Variants in CYP24A1 observed in about 807,000 individuals in gnomAD.
CYP24A1 encodes the protein cytochrome P450 family 24 subfamily A member 1.
Under a neutral mutation model 62.4 loss-of-function variants are expected in CYP24A1, and 68 were observed. The observed-to-expected ratio is 1.09, with a 90% CI of 0.90 to 1.33. The LOEUF (loss-of-function observed/expected upper bound fraction) is 1.33. Ranked by LOEUF, CYP24A1 falls within the 40% of genes most tolerant of loss-of-function variation. CYP24A1 has a pLI of 0.00. For missense variants in CYP24A1, 787 were observed against 653.0 expected (o/e 1.21, Z -2.24); for synonymous variants, 267 against 253.0 (o/e 1.06, Z -0.52).
In CYP24A1 at chr20:54,173,091, G is replaced by A; in HGVS notation, c.267C>T (p.Tyr89=). 6.2e-7 allele frequency: 1 copy of A among 1,603,146 alleles called. No homozygotes were observed. Among genetic ancestry groups the A allele is most frequent in the Non-Finnish European group, 8.5e-7 (1 of 1,179,962 alleles). The change falls in exon 2 of 12, where the codon TAC becomes TAT. Residue 89 remains tyrosine (Y), a synonymous_variant. Transcript: ENST00000216862. The surrounding 1 kb of genome is among the most constrained non-coding windows in gnomAD (Gnocchi z 7.2). ...LKKQHDTLVE[Y]HKKYGKIFRM... The stretch of plus-strand genomic sequence containing the variant: ...GGAAAATCTTGCCATACTTCTTGTG[G>A]TACTCCACCTGCAGCCGGCCGGGCA...
chr20:54,163,477 C>A (rs1455937687), intron 6 of CYP24A1, among the ~76,000 whole-genome samples: 1 of 152,212 alleles, frequency 6.6e-6, no homozygotes, highest in Non-Finnish European at 1.5e-5. Flanking sequence ...TCACATATGG[C>A]ACAGCAGTTA....
Position 54,164,444 on chromosome 20 carries a change from C to T in CYP24A1, c.844+8G>A. On this transcript the variant is annotated splice_region_variant and intron_variant, in intron 6 of 11. Transcript: ENST00000216862. ...GGTTCTGGCTGGTTGTGAAGGGCGG[C>T]CCTTTACCTGATTTGAAAATGGTGT... The T allele has an allele frequency of 1.2e-6, 2 of 1,614,054 alleles. No homozygotes were observed. The highest frequency in any genetic ancestry group is 8.5e-7 in the Non-Finnish European group (1 of 1,180,002).
chr20:54,170,207 C>T (rs890208827), intron 3 of CYP24A1, among the ~76,000 whole-genome samples: 1 of 152,186 alleles, frequency 6.6e-6, no homozygotes, highest in African/African-American at 2.4e-5. Flanking sequence ...AGTCTATGAC[C>T]TTGGGATAGT....
In CYP24A1 at chr20:54,164,710, C is replaced by T. The variant is rs558065456; in HGVS notation, c.733-147G>A. 4.6e-4 allele frequency: 685 copies of T among 1,487,588 alleles called. 2 individuals carry two copies. In the African/African-American group the frequency reaches 5.1e-3, roughly 11 times the overall value. The allele number at this position is 1,487,588 out of a possible 1,614,324, so 92.1% of individuals were successfully genotyped here. A position where few individuals can be genotyped will look rare whatever the true frequency, so the allele number is the denominator to read the frequency against. On this transcript the variant is annotated intron_variant, in intron 5 of 11. Coordinates refer to ENST00000216862, the MANE Select transcript of CYP24A1 (RefSeq NM_000782.5). Reference sequence around the variant, plus strand: ...AGGACACCCCCGGCTCTCTCTGCACCGGTCCTGGGAGCAATGCCCGTACCC... The same window carrying T: ...AGGACACCCCCGGCTCTCTCTGCACTGGTCCTGGGAGCAATGCCCGTACCC...
chr20:54,165,945 T>C, intron 4 of CYP24A1, 112 bp from the exon 5 acceptor site: 1 of 783,624 alleles, frequency 1.3e-6, no homozygotes, highest in Non-Finnish European at 2.2e-6. Flanking sequence ...TGTGGGATTT[T>C]CTGAGAAAAG....
rs1446673603 is a variant in CYP24A1 at position 54,169,658 on chromosome 20, C to T, written c.574G>A (p.Glu192Lys). ...VLADFMGRIDELCDERGHVED... is the reference protein window; with the variant it reads ...VLADFMGRIDKLCDERGHVED... ...ACGTGGCCTCTTTCATCACAGAGCTCATCTATTCTGCCCATAAAATCGGCC... is the reference window on the plus strand; with the variant it reads ...ACGTGGCCTCTTTCATCACAGAGCTTATCTATTCTGCCCATAAAATCGGCC... Residue 192 changes from glutamate to lysine, a missense_variant, in exon 4 of 12, where the codon GAG becomes AAG. Physicochemically the swap from Glu to Lys is moderately conservative, Grantham distance 56. Transcript: ENST00000216862. 1 of 1,614,164 alleles carries T rather than the reference C, an allele frequency of 6.2e-7. No homozygotes were observed. The highest frequency in any genetic ancestry group is 1.1e-5 in the South Asian group (1 of 91,080).
chr20:54,171,906 A>C, intron 2 of CYP24A1: 1 of 1,039,186 alleles, frequency 9.6e-7, no homozygotes, highest in Non-Finnish European at 1.3e-6. Flanking sequence ...AGATTGCACC[A>C]AAAAGTTGAA....
the CYP24A1 span, among the ~76,000 whole-genome samples, chr20:54,146,309 G>T: frequency 6.6e-6 from 1 of 152,060 alleles, no homozygotes; most frequent in Non-Finnish European, 1.5e-5. Context: ...CGGCACCCTT[G>T]GCCTATTGAT....
rs34073171 is a variant in CYP24A1 at position 54,171,757 on chromosome 20, A to G, written c.450-87T>C. ...TACTCCAGCTGCAACTTCAGGAACCATAAAATCAAACAAACACTGAGAATC... is the reference window on the plus strand; with the variant it reads ...TACTCCAGCTGCAACTTCAGGAACCGTAAAATCAAACAAACACTGAGAATC... On this transcript the variant is annotated intron_variant, in intron 2 of 11. Transcript: ENST00000216862. 1.9e-6 allele frequency: 3 copies of G among 1,610,988 alleles called. No homozygotes were observed. In the East Asian group the frequency reaches 6.7e-5, roughly 36 times the overall value.
At chr20:54,159,166 T>G (rs1440574600) in intron 7 of CYP24A1, 43 bp from the exon 8 acceptor site, 1 of 1,488,022 alleles carries the variant, frequency 6.7e-7, no homozygotes, top group Non-Finnish European at 9.4e-7. Context: ...TGTAAATAAC[T>G]GCATTAAACC....
intron 8 of CYP24A1, 110 bp downstream of exon 8, chr20:54,158,847 T>C: frequency 6.4e-7 from 1 of 1,573,778 alleles, no homozygotes; most frequent in South Asian, 1.2e-5. Context: ...AGTGTGATAA[T>C]TGTTTCTAAT....
rs2092668960 is a variant in CYP24A1 at position 54,165,642 on chromosome 20, ATG to A, written c.732+98_732+99del. ...GAACACTTAACTATTGAAATAAAAT[ATG>A]TGTGTATGCCATTTTTTGGGAATCA... On this transcript the variant is annotated intron_variant, in intron 5 of 11. Transcript: ENST00000216862. The A allele has an allele frequency of 6.3e-6, 5 of 788,884 alleles. No homozygotes were observed. The African/African-American group carries it at 6.8e-5, about 11-fold the overall frequency. The allele number at this position is 788,884 out of a possible 1,614,324, so 48.9% of individuals were successfully genotyped here. A position where few individuals can be genotyped will look rare whatever the true frequency, so the allele number is the denominator to read the frequency against.
chr20:54,173,830 G>T lies in CYP24A1; in HGVS notation c.-251C>A, dbSNP rs2092704193. ...CACTGGCCGCAGGGGCTGGAAGAGG[G>T]TGGCCGGTGTCTGGGGACCTCTTGA... On this transcript the variant is annotated 5_prime_UTR_variant, in exon 1 of 12. Transcript: ENST00000216862. The surrounding 1 kb of genome is among the most constrained non-coding windows in gnomAD (Gnocchi z 7.2). 1.8e-6 allele frequency: 1 copy of T among 570,658 alleles called. No individual in the cohort carries two copies. The highest frequency in any genetic ancestry group is 3.1e-6 in the Non-Finnish European group (1 of 320,382). The allele number at this position is 570,658 out of a possible 1,614,324, so 35.3% of individuals were successfully genotyped here.
At chr20:54,151,453 C>T (rs1471804447), downstream of CYP24A1, among the ~76,000 whole-genome samples, 1 of 151,800 alleles carries the variant, frequency 6.6e-6, no homozygotes, top group African/African-American at 2.4e-5. Context: ...CTGGAAACTA[C>T]AAATCCACAG....
rs1274916727 is a variant in CYP24A1 at position 54,166,724 on chromosome 20, C to CT, written c.641-892dup. On this transcript the variant is annotated intron_variant, in intron 4 of 11. Transcript: ENST00000216862. ...TGTCCTAAAAATTATCTCTTGTAACCTTTTTTTTTTAAAAAAAGGACACAG... is the reference window on the plus strand; with the variant it reads ...TGTCCTAAAAATTATCTCTTGTAACCTTTTTTTTTTTAAAAAAAGGACACAG... Among the ~76,000 whole-genome samples, 1,066 of 149,484 alleles carry CT rather than the reference C, an allele frequency of 7.1e-3. 18 individuals carry two copies. The highest frequency in any genetic ancestry group is 0.016 in the African/African-American group (635 of 40,858).
intron 3 of CYP24A1, 101 bp downstream of exon 3, chr20:54,171,476 T>A (rs1045728949): frequency 1.2e-6 from 2 of 1,607,338 alleles, no homozygotes; most frequent in East Asian, 4.5e-5. Context: ...TCACCCGAAT[T>A]GCATTCTTTT....
chr20:54,167,745 C>T lies in CYP24A1; in HGVS notation c.640+1847G>A, dbSNP rs938820281. On this transcript the variant is annotated intron_variant, in intron 4 of 11. Coordinates refer to ENST00000216862, the MANE Select transcript of CYP24A1 (RefSeq NM_000782.5). Reference sequence around the variant, plus strand: ...CCGAGATCACGCCGCTGCACTCCAGCCTGGGGCAGAGTGAGAGTCTGTCTC... The same window carrying T: ...CCGAGATCACGCCGCTGCACTCCAGTCTGGGGCAGAGTGAGAGTCTGTCTC... 1.1e-4 allele frequency among the ~76,000 whole-genome samples: 17 copies of T among 151,986 alleles called. 1 individual carries two copies. Among genetic ancestry groups the T allele is most frequent in the Admixed American group, 2.0e-4 (3 of 15,294 alleles).
In CYP24A1 at chr20:54,165,726, TA is replaced by T; in HGVS notation, c.732+15del. 1 of 1,266,332 alleles carries T rather than the reference TA, an allele frequency of 7.9e-7. No individual in the cohort carries two copies. The allele number at this position is 1,266,332 out of a possible 1,614,324, so 78.4% of individuals were successfully genotyped here. ...ACATCAATCAAGAAAACTGCTTTCT[TA>T]AAGAGGCTGCTTACTGTTTTGATGG... On this transcript the variant is annotated intron_variant, in intron 5 of 11. Coordinates refer to ENST00000216862, the MANE Select transcript of CYP24A1 (RefSeq NM_000782.5).
At position 54,173,026 on chromosome 20, in the gene CYP24A1, G is replaced by C; in HGVS notation, c.332C>G (p.Ser111Trp). 6.2e-7 allele frequency: 1 copy of C among 1,610,438 alleles called. No individual in the cohort carries two copies. Residue 111 changes from serine (S) to tryptophan (W), a missense_variant, in exon 2 of 12, where the codon TCG (serine) becomes TGG (tryptophan). Coordinates refer to ENST00000216862, the MANE Select transcript of CYP24A1 (RefSeq NM_000782.5). The surrounding 1 kb of genome is among the most constrained non-coding windows in gnomAD (Gnocchi z 7.2). ...GTACAGCGCTTCCAGCAGGCATGGC[G>C]AGCCCAGGTGCACCGACTCAAAGGA... is the stretch of plus-strand genomic sequence containing the variant. ...LGSFESVHLG[S>W]PCLLEALYRT...
Sources: gnomAD v4.1 joint callset for allele counts (sites outside exome capture counted in the v4.1 genomes callset) on GRCh38, gnomAD v4.1.1 for gene constraint, Gnocchi (gnomAD v3.1) non-coding constraint, MANE v1.5 for transcripts, NCBI Gene and HGNC (gene_info 2026-07-23, HGNC 2026-07-21) for gene names.